Variants in FHIT observed in about 807,000 individuals in gnomAD.
FHIT encodes the protein fragile histidine triad diadenosine triphosphatase.
A neutral mutation model predicts 17.9 loss-of-function variants in FHIT; 19 were observed. That is an observed-to-expected ratio of 1.06 (90% CI 0.74 to 1.56). The LOEUF is 1.56. FHIT is among the 40% of genes most tolerant of loss of function. The pLI is 0.00. For missense variants in FHIT, 248 were observed against 189.2 expected (o/e 1.31, Z -1.82); for synonymous variants, 81 against 69.7 (o/e 1.16, Z -0.81).
chr3:60,326,223 A>C (rs141050771), intron 5 of FHIT, among the ~76,000 whole-genome samples: 2 of 152,050 alleles, frequency 1.3e-5, no homozygotes, highest in Non-Finnish European at 2.9e-5. Flanking sequence ...TATTTATATT[A>C]TTATTACATT....
At chr3:60,763,132 A>T (rs146828549) in intron 4 of FHIT, among the ~76,000 whole-genome samples, 2 of 152,296 alleles carry the variant, frequency 1.3e-5, no homozygotes, top group East Asian at 3.9e-4. Flanking sequence ...AAATGGGAAT[A>T]TGAGTACTCC....
At chr3:60,012,310 C>G (rs1700174169) in intron 6 of FHIT, among the ~76,000 whole-genome samples, 1 of 128,680 alleles carries the variant, frequency 7.8e-6, no homozygotes, top group Non-Finnish European at 1.6e-5. Context: ...ACTCAGTTGT[C>G]CAGGCCAGAG....
chr3:60,539,074 A>T (rs185187013), intron 4 of FHIT, among the ~76,000 whole-genome samples: 11,711 of 152,084 alleles, frequency 0.077, 937 homozygotes, highest in African/African-American at 0.18. Context: ...GAATCTACAA[A>T]GAACTCAAAC....
At chr3:59,933,085 A>G (rs1417065007) in intron 7 of FHIT, among the ~76,000 whole-genome samples, 1 of 152,138 alleles carries the variant, frequency 6.6e-6, no homozygotes. Flanking sequence ...AGTTAACTAT[A>G]TAATCTGGGT....
chr3:60,199,828 GGA>G (rs1373091668), intron 5 of FHIT, among the ~76,000 whole-genome samples: 2 of 152,108 alleles, frequency 1.3e-5, no homozygotes, highest in Non-Finnish European at 1.5e-5. Flanking sequence ...TCTGTGTTAA[GGA>G]GAGAGTAGAG....
At chr3:61,145,052 A>G (rs2091462914) in intron 2 of FHIT, among the ~76,000 whole-genome samples, 1 of 152,138 alleles carries the variant, frequency 6.6e-6, no homozygotes, top group African/African-American at 2.4e-5. Flanking sequence ...AACAAAGTCT[A>G]AATTATCTAT....
At position 60,630,066 on chromosome 3, in the gene FHIT, G is replaced by A. The variant is rs74682601; in HGVS notation, c.-17-93087C>T. On this transcript the variant is annotated intron_variant, in intron 4 of 9. Transcript: ENST00000492590. ...TTTGTCTTATGTTATCTTTCTGAAAGTATCCTCCCAGAGACTGGTTCAAAC... is the reference window on the plus strand; with the variant it reads ...TTTGTCTTATGTTATCTTTCTGAAAATATCCTCCCAGAGACTGGTTCAAAC... Among the ~76,000 whole-genome samples the A allele has an allele frequency of 5.7e-3, 862 of 152,266 alleles. 4 individuals carry two copies. Among genetic ancestry groups the A allele is most frequent in the Middle Eastern group, 0.01 (3 of 294 alleles).
At chr3:60,607,020 T>C (rs9827553) in intron 4 of FHIT, among the ~76,000 whole-genome samples, 2,970 of 152,272 alleles carry the variant, frequency 0.02, 104 homozygotes, top group African/African-American at 0.068. Flanking sequence ...ATTCCATTGC[T>C]GGACCTCTAT....
At chr3:60,212,788 G>A (rs1703516367) in intron 5 of FHIT, among the ~76,000 whole-genome samples, 2 of 152,122 alleles carry the variant, frequency 1.3e-5, no homozygotes, top group South Asian at 4.1e-4. Flanking sequence ...AGATGAAATG[G>A]AAGATGTGAG....
intron 3 of FHIT, among the ~76,000 whole-genome samples, chr3:60,982,509 G>C (rs976476580): frequency 6.6e-6 from 1 of 152,216 alleles, no homozygotes; most frequent in Non-Finnish European, 1.5e-5. Flanking sequence ...AGCCTGGTCT[G>C]CTTTCATTTC....
At chr3:60,222,117 C>T (rs1703990444) in intron 5 of FHIT, among the ~76,000 whole-genome samples, 1 of 152,104 alleles carries the variant, frequency 6.6e-6, no homozygotes, top group Admixed American at 6.5e-5. Context: ...ATCCAGGAGA[C>T]AATCAAGGGA....
At chr3:60,303,389 G>T (rs989601207) in intron 5 of FHIT, among the ~76,000 whole-genome samples, 1 of 152,166 alleles carries the variant, frequency 6.6e-6, no homozygotes, top group Non-Finnish European at 1.5e-5. Context: ...CTGTGACACA[G>T]TAAAGAATTT....
intron 5 of FHIT, among the ~76,000 whole-genome samples, chr3:60,376,966 G>C (rs953341417): frequency 3.3e-5 from 5 of 152,080 alleles, no homozygotes; most frequent in Non-Finnish European, 7.4e-5. Flanking sequence ...TGGCTGATTT[G>C]TTCATCCATC....
chr3:60,533,319 C>G (rs895482297), intron 5 of FHIT, among the ~76,000 whole-genome samples: 11 of 152,160 alleles, frequency 7.2e-5, no homozygotes, highest in African/African-American at 2.7e-4. Flanking sequence ...TTAACTGGAA[C>G]AATGCATATA....
intron 8 of FHIT, among the ~76,000 whole-genome samples, chr3:59,904,269 G>A: frequency 7.0e-6 from 1 of 142,636 alleles, no homozygotes; most frequent in African/African-American, 2.6e-5. Context: ...TCTAAATAAG[G>A]AATTAAGCAC....
At chr3:60,328,943 C>T (rs931469725) in intron 5 of FHIT, among the ~76,000 whole-genome samples, 4 of 152,144 alleles carry the variant, frequency 2.6e-5, no homozygotes, top group Non-Finnish European at 4.4e-5. Context: ...CATGATTAGT[C>T]GATTCAGGAC....
chr3:60,312,379 T>A (rs1708988411), intron 5 of FHIT, among the ~76,000 whole-genome samples: 1 of 152,108 alleles, frequency 6.6e-6, no homozygotes, highest in Non-Finnish European at 1.5e-5. Flanking sequence ...TGAGCACAAG[T>A]GATCCTCCTT....
chr3:60,040,661 G>A (rs909624229), intron 5 of FHIT, among the ~76,000 whole-genome samples: 1 of 152,162 alleles, frequency 6.6e-6, no homozygotes. Flanking sequence ...CGGAGGCTAA[G>A]CCTGTATCAT....
At chr3:60,263,588 C>CAAAATACTTATTAAGT (rs1706409986) in intron 5 of FHIT, among the ~76,000 whole-genome samples, 1 of 151,824 alleles carries the variant, frequency 6.6e-6, no homozygotes, top group African/African-American at 2.4e-5. Flanking sequence ...TACATGATTC[C>CAAAATACTTATTAAGT]ATTTATACAA....
Sources: allele counts gnomAD v4.1 joint callset (sites outside exome capture counted in the v4.1 genomes callset), GRCh38; gene constraint gnomAD v4.1.1; transcripts MANE v1.5; gene names NCBI Gene and HGNC (gene_info 2026-07-23, HGNC 2026-07-21).